ADGRB3: variants seen among roughly 807,000 people sequenced by gnomAD.
The protein encoded by ADGRB3 is adhesion G protein-coupled receptor B3.
A neutral mutation model predicts 193.4 loss-of-function variants in ADGRB3; 37 were observed. The observed-to-expected ratio is 0.19, with a 90% CI of 0.15 to 0.25. ADGRB3 has a LOEUF of 0.25. ADGRB3 is among the 10% of genes least tolerant of loss of function. ADGRB3 has a pLI of 1.00. For missense variants in ADGRB3, 1,637 were observed against 1,852.9 expected, an observed-to-expected ratio of 0.88 and a Z score of 2.14; for synonymous variants, 690 against 644.2, an observed-to-expected ratio of 1.07 and a Z score of -1.08.
intron 17 of ADGRB3, among the ~76,000 whole-genome samples, chr6:69,120,909 A>G (rs1392782219): frequency 6.6e-6 from 1 of 152,088 alleles, no homozygotes; most frequent in African/African-American, 2.4e-5. Flanking sequence ...CCTCACTTGC[A>G]TGTAAAAAGA....
chr6:69,275,467 C>T (rs1011454747), intron 20 of ADGRB3, among the ~76,000 whole-genome samples: 25 of 151,908 alleles, frequency 1.6e-4, no homozygotes, highest in Non-Finnish European at 2.5e-4. Flanking sequence ...TTATGCAAGG[C>T]GTTTTTTAAC....
chr6:68,802,204 G>GTA (rs1767325707), intron 3 of ADGRB3, among the ~76,000 whole-genome samples: 2 of 148,350 alleles, frequency 1.3e-5, no homozygotes, highest in Admixed American at 1.3e-4. Flanking sequence ...GTGTGTGTGT[G>GTA]TGTGTGTATG....
chr6:69,039,004 G>T lies in ADGRB3; in HGVS notation c.2108-9181G>T, dbSNP rs535346295. Among the ~76,000 whole-genome samples the T allele has an allele frequency of 4.7e-4, 71 of 152,140 alleles. 2 individuals are homozygous for T. In the South Asian group the frequency reaches 0.014, roughly 31 times the overall value. The stretch of plus-strand genomic sequence containing the variant: ...ATTTCATGCCATCTCACTCTATCCT[G>T]CCCCAAATGTGAATCATCCCTTTGA... On this transcript the variant is annotated intron_variant, in intron 13 of 31. Transcript: ENST00000370598.
intron 3 of ADGRB3, among the ~76,000 whole-genome samples, chr6:68,672,159 T>C (rs901834777): frequency 6.6e-6 from 1 of 152,146 alleles, no homozygotes; most frequent in Admixed American, 6.6e-5. Context: ...TCTTTTTTTT[T>C]CTTAGTCTGG....
At chr6:68,967,892 G>C in intron 8 of ADGRB3, among the ~76,000 whole-genome samples, 1 of 151,986 alleles carries the variant, frequency 6.6e-6, no homozygotes, top group African/African-American at 2.4e-5. Context: ...AGACATGTTT[G>C]AGGGGGAGGA....
chr6:68,909,115 T>C (rs1283951), intron 3 of ADGRB3, among the ~76,000 whole-genome samples: 139,956 of 152,234 alleles, frequency 0.92, 64,666 homozygotes, highest in African/African-American at 0.98. Context: ...TATTAGGTAA[T>C]GTGTGTTAAC....
At chr6:69,257,703 A>T (rs1175898894) in intron 20 of ADGRB3, among the ~76,000 whole-genome samples, 1 of 152,188 alleles carries the variant, frequency 6.6e-6, no homozygotes, top group African/African-American at 2.4e-5. Flanking sequence ...ATCATCTTCA[A>T]GATTTAGTTG....
chr6:69,349,351 G>T (rs183262410), intron 26 of ADGRB3, among the ~76,000 whole-genome samples: 1 of 152,312 alleles, frequency 6.6e-6, no homozygotes, highest in Admixed American at 6.5e-5. Context: ...TAGAGATTAA[G>T]TGATAGATCC....
intron 20 of ADGRB3, among the ~76,000 whole-genome samples, chr6:69,297,003 T>C (rs939548223): frequency 6.6e-6 from 1 of 152,098 alleles, no homozygotes; most frequent in Admixed American, 6.6e-5. Flanking sequence ...TATATTTCAG[T>C]TTTGCCACTT....
chr6:68,756,409 A>G (rs966791881), intron 3 of ADGRB3, among the ~76,000 whole-genome samples: 2 of 152,188 alleles, frequency 1.3e-5, no homozygotes, highest in African/African-American at 4.8e-5. Context: ...CTTTGAATCC[A>G]AGGGGGAACT....
chr6:68,718,308 G>A (rs1459599693), intron 3 of ADGRB3, among the ~76,000 whole-genome samples: 4 of 151,604 alleles, frequency 2.6e-5, no homozygotes, highest in Non-Finnish European at 5.9e-5. Flanking sequence ...TTGCAGATTG[G>A]AGCCCAGGAA....
chr6:68,671,119 T>G (rs1176676878), intron 3 of ADGRB3, among the ~76,000 whole-genome samples: 1 of 151,996 alleles, frequency 6.6e-6, no homozygotes, highest in Admixed American at 6.6e-5. Flanking sequence ...GTATCCTGCA[T>G]CTTTACTGAA....
At chr6:69,016,623 C>T (rs9446086) in intron 12 of ADGRB3, among the ~76,000 whole-genome samples, 36,592 of 151,698 alleles carry the variant, frequency 0.24, 4,673 homozygotes, top group African/African-American at 0.26. Context: ...TGAAGTTAGG[C>T]TTCTACCTTT....
chr6:69,043,127 CA>C (rs2150299493), intron 13 of ADGRB3, among the ~76,000 whole-genome samples: 1 of 151,892 alleles, frequency 6.6e-6, no homozygotes, highest in South Asian at 2.1e-4. Context: ...TCTATTGAGG[CA>C]AGATATTTTT....
At chr6:68,833,958 G>GC (rs1768001242) in intron 3 of ADGRB3, among the ~76,000 whole-genome samples, 1 of 148,310 alleles carries the variant, frequency 6.7e-6, no homozygotes, top group Non-Finnish European at 1.5e-5. Context: ...ATACAGGAAG[G>GC]TTTTTTTTTT....
rs116243293 is a variant in ADGRB3, at chr6:69,003,609, A to G, written c.1929+9647A>G. 5.8e-3 allele frequency among the ~76,000 whole-genome samples: 877 copies of G among 152,230 alleles called. 9 individuals are homozygous for G. Among genetic ancestry groups the G allele is most frequent in the African/African-American group, 0.02 (812 of 41,544 alleles). ...TTTCAATGCTTAACAGCCTGAGAAG[A>G]TTTCCTATTGTTTCTCTGTGGTATA... is the stretch of plus-strand genomic sequence containing the variant. On this transcript the variant is annotated intron_variant, in intron 11 of 31. Coordinates refer to ENST00000370598, the MANE Select transcript of ADGRB3 (RefSeq NM_001704.3).
At chr6:68,657,960 C>T (rs1472344748) in intron 3 of ADGRB3, among the ~76,000 whole-genome samples, 1 of 151,296 alleles carries the variant, frequency 6.6e-6, no homozygotes, top group Non-Finnish European at 1.5e-5. Context: ...TGGAAATTTA[C>T]CATCTGTAGT....
rs1770641269 is a variant in ADGRB3, at chr6:69,031,021, T to TCTTTC, written c.2107+12522_2107+12523insCTTTC. Among the ~76,000 whole-genome samples, 2 of 102,058 alleles carry TCTTTC rather than the reference T, an allele frequency of 2.0e-5. 1 individual carries two copies. Among genetic ancestry groups the TCTTTC allele is most frequent in the Middle Eastern group, 9.7e-3 (2 of 206 alleles). The allele number at this position is 102,058 out of a possible 152,430, so 67.0% of individuals were successfully genotyped here. A position where few individuals can be genotyped will look rare whatever the true frequency, so the allele number is the denominator to read the frequency against. On this transcript the variant is annotated intron_variant, in intron 13 of 31. Transcript: ENST00000370598. ...TTTTCCTTTCTTTTCTTTTCTTTTT[T>TCTTTC]TTTTCCTCTTCTCTTCTCTCTTCTC...
At chr6:69,092,919 G>A (rs1772756828) in intron 17 of ADGRB3, among the ~76,000 whole-genome samples, 1 of 152,116 alleles carries the variant, frequency 6.6e-6, no homozygotes. Flanking sequence ...AGGAGCCAAT[G>A]TTTGGTGGAG....
Sources: allele counts gnomAD v4.1 joint callset (sites outside exome capture counted in the v4.1 genomes callset), GRCh38; gene constraint gnomAD v4.1.1; transcripts MANE v1.5; gene names NCBI Gene and HGNC (gene_info 2026-07-23, HGNC 2026-07-21).